Variants in LRBA observed in about 807,000 individuals in gnomAD.
LRBA encodes the protein LPS responsive beige-like anchor protein.
In LRBA, 176 loss-of-function variants were observed where a neutral mutation model predicts 330.0. The ratio of observed to expected loss-of-function variants is 0.53; its 90% CI spans 0.47 to 0.60. The LOEUF (loss-of-function observed/expected upper bound fraction) is 0.60, where lower values mean the gene tolerates loss of function less well. Among genes scored for constraint, LRBA ranks in the 20% least tolerant of loss-of-function variants. The pLI, the probability that LRBA is intolerant of heterozygous loss-of-function variation, is 0.00. For missense variants in LRBA, 3,259 were observed against 3,444.8 expected, an observed-to-expected ratio of 0.95 and a Z score of 1.35; for synonymous variants, 1,230 against 1,193.0, an observed-to-expected ratio of 1.03 and a Z score of -0.64.
intron 40 of LRBA, among the ~76,000 whole-genome samples, chr4:150,498,213 T>C (rs1363966757): frequency 6.6e-6 from 1 of 152,204 alleles, no homozygotes; most frequent in Non-Finnish European, 1.5e-5. Flanking sequence ...CATAATTTAA[T>C]ATTTGTGCTG....
intron 47 of LRBA, among the ~76,000 whole-genome samples, chr4:150,393,522 G>T (rs1476488763): frequency 7.0e-6 from 1 of 143,606 alleles, no homozygotes; most frequent in African/African-American, 2.6e-5. Context: ...GTCTCCCTCT[G>T]TTGCCATGCT....
chr4:150,941,310 G>A (rs1190935811), intron 2 of LRBA, among the ~76,000 whole-genome samples: 1 of 151,782 alleles, frequency 6.6e-6, no homozygotes, highest in African/African-American at 2.4e-5. Context: ...CCACCAACAC[G>A]CCCAGCTAAT....
chr4:150,757,588 C>A (rs78381802), intron 35 of LRBA, among the ~76,000 whole-genome samples: 4,212 of 152,166 alleles, frequency 0.028, 183 homozygotes, highest in African/African-American at 0.096. Flanking sequence ...TATTATTATT[C>A]TTCCTGCCCC....
Position 150,583,868 on chromosome 4 carries a change from A to G in LRBA, c.6330+4180T>C. 1.9e-6 allele frequency: 3 copies of G among 1,613,998 alleles called. No homozygotes were observed. Among genetic ancestry groups the G allele is most frequent in the Non-Finnish European group, 2.5e-6 (3 of 1,179,972 alleles). ...TACCACATGAAGACGCTGCTGCTGT[A>G]CGAGTGCGAGAAACACCCACGAGAA... On this transcript the variant is annotated intron_variant, in intron 40 of 56. Transcript: ENST00000651943. This position sits in a 1 kb window ranked among gnomAD's most constrained non-coding sequence, Gnocchi z 9.8.
At chr4:150,755,054 C>G (rs903154021) in intron 35 of LRBA, among the ~76,000 whole-genome samples, 5 of 152,136 alleles carry the variant, frequency 3.3e-5, no homozygotes, top group Non-Finnish European at 7.4e-5. Context: ...ATTTTCTGGC[C>G]TCTCTCCCTC....
rs750893903 is a variant in LRBA, at chr4:150,321,184, T to G, written c.7630+7A>C. On this transcript the variant is annotated splice_region_variant and intron_variant, in intron 50 of 56. Coordinates refer to ENST00000651943, the MANE Select transcript of LRBA (RefSeq NM_001364905.1). This position sits in a 1 kb window ranked among gnomAD's most constrained non-coding sequence, Gnocchi z 4.5. Reference sequence around the variant, plus strand: ...ACCATGCCTTATAATGGTATTTCTTTACTTACCAGGAAGGTTGTGCCATTT... The same window carrying G: ...ACCATGCCTTATAATGGTATTTCTTGACTTACCAGGAAGGTTGTGCCATTT... The G allele has an allele frequency of 2.5e-6, 4 of 1,605,896 alleles. No homozygotes were observed. In the Admixed American group the frequency reaches 6.9e-5, roughly 28 times the overall value.
intron 43 of LRBA, among the ~76,000 whole-genome samples, chr4:150,468,812 C>T (rs1755759656): frequency 6.6e-6 from 1 of 151,868 alleles, no homozygotes; most frequent in East Asian, 1.9e-4. Flanking sequence ...CTCTTGGTAT[C>T]TAAGCCTTTT....
In LRBA at chr4:150,929,072, A is replaced by G; in HGVS notation, c.217-7T>C. Reference sequence around the variant, plus strand: ...CAAACTGTCCTCCTACCAACTTACAAGGAAAAAAAAAAAACACATTAAAAG... The same window carrying G: ...CAAACTGTCCTCCTACCAACTTACAGGGAAAAAAAAAAAACACATTAAAAG... On this transcript the variant is annotated splice_region_variant and splice_polypyrimidine_tract_variant and intron_variant, in intron 2 of 56. Transcript: ENST00000651943. The G allele has an allele frequency of 8.9e-6, 14 of 1,564,470 alleles. No individual in the cohort carries two copies. The highest frequency in any genetic ancestry group is 1.2e-5 in the Non-Finnish European group (14 of 1,143,476).
At chr4:150,413,304 T>A (rs1236330858) in intron 47 of LRBA, among the ~76,000 whole-genome samples, 3 of 151,668 alleles carry the variant, frequency 2.0e-5, no homozygotes, top group Non-Finnish European at 4.4e-5. Context: ...TTCCCAGAAA[T>A]CTACCCAAGA....
rs1226478398 is a variant in LRBA at position 150,489,204 on chromosome 4, T to TATTATATATACGAATATATAATAC, written c.6449-1371_6449-1370insGTATTATATATTCGTATATATAAT. On this transcript the variant is annotated intron_variant, in intron 41 of 56. Coordinates refer to ENST00000651943, the MANE Select transcript of LRBA (RefSeq NM_001364905.1). ...ATATAATATATTATATATAAGTATA[T>TATTATATATACGAATATATAATAC]ATTATATATACGAATATATAATATA... 4.2e-4 allele frequency among the ~76,000 whole-genome samples: 47 copies of TATTATATATACGAATATATAATAC among 111,986 alleles called. 1 individual carries two copies. The highest frequency in any genetic ancestry group is 1.7e-3 in the African/African-American group (45 of 26,280). 73.5% of individuals were successfully genotyped at this position (111,986 alleles called of 152,430 possible).
intron 56 of LRBA, among the ~76,000 whole-genome samples, chr4:150,270,902 A>C (rs989587831): frequency 6.6e-6 from 1 of 152,208 alleles, no homozygotes; most frequent in African/African-American, 2.4e-5. Context: ...AAAGATGATG[A>C]TACTTCTTCA....
chr4:150,650,574 A>G (rs1779611093), intron 37 of LRBA, among the ~76,000 whole-genome samples: 1 of 152,186 alleles, frequency 6.6e-6, no homozygotes. Context: ...TCACAGAGTC[A>G]GCAAAAGGAT....
chr4:150,334,584 T>TG (rs967569139), intron 48 of LRBA, among the ~76,000 whole-genome samples: 10 of 152,028 alleles, frequency 6.6e-5, no homozygotes, highest in African/African-American at 2.2e-4. Flanking sequence ...ATGCAAAATC[T>TG]GGGGGGTATA....
chr4:150,349,390 G>C (rs1409452829), intron 48 of LRBA, among the ~76,000 whole-genome samples: 2 of 152,120 alleles, frequency 1.3e-5, no homozygotes, highest in African/African-American at 4.8e-5. Flanking sequence ...GAATTAGAAG[G>C]ATGCATAATT....
intron 9 of LRBA, among the ~76,000 whole-genome samples, chr4:150,909,959 T>C (rs1403632739): frequency 2.0e-5 from 3 of 152,220 alleles, no homozygotes; most frequent in Non-Finnish European, 2.9e-5. Flanking sequence ...TTATATCTTC[T>C]TTAAAGAAAT....
intron 53 of LRBA, among the ~76,000 whole-genome samples, chr4:150,292,306 C>T (rs1172461086): frequency 6.6e-6 from 1 of 152,122 alleles, no homozygotes; most frequent in Non-Finnish European, 1.5e-5. Context: ...TATTTTCTGG[C>T]AAACTTGTAG....
chr4:150,313,525 C>T (rs1731330513), intron 51 of LRBA, among the ~76,000 whole-genome samples: 1 of 152,098 alleles, frequency 6.6e-6, no homozygotes, highest in Non-Finnish European at 1.5e-5. Context: ...GTCTGTTGAC[C>T]AGTGATCTAG....
chr4:150,515,116 G>C (rs569008383), intron 40 of LRBA, among the ~76,000 whole-genome samples: 1 of 152,214 alleles, frequency 6.6e-6, no homozygotes, highest in East Asian at 1.9e-4. Flanking sequence ...GAAAATAATA[G>C]AGCATTTTTA....
intron 47 of LRBA, among the ~76,000 whole-genome samples, chr4:150,350,818 G>A (rs907572302): frequency 6.6e-6 from 1 of 152,088 alleles, no homozygotes; most frequent in South Asian, 2.1e-4. Context: ...ACAAGGCAAA[G>A]ACTATTTTGG....
Sources: gnomAD v4.1 joint callset for allele counts (sites outside exome capture counted in the v4.1 genomes callset) on GRCh38, gnomAD v4.1.1 for gene constraint, Gnocchi (gnomAD v3.1) non-coding constraint, MANE v1.5 for transcripts, NCBI Gene and HGNC (gene_info 2026-07-23, HGNC 2026-07-21) for gene names.